GPC6: variants seen among roughly 807,000 people sequenced by gnomAD.
GPC6 encodes glypican-6.
In GPC6, 14 loss-of-function variants were observed where a neutral mutation model predicts 55.2. That is an observed-to-expected ratio of 0.25 (90% CI 0.17 to 0.40). GPC6 has a LOEUF of 0.40. Among genes scored for constraint, GPC6 ranks in the 10% least tolerant of loss-of-function variants. The probability of loss-of-function intolerance (pLI) is 1.00; values close to 1 mark genes in which losing one functional copy is unlikely to be tolerated. For missense variants in GPC6, 641 were observed against 708.5 expected (o/e 0.90, Z 1.08); for synonymous variants, 278 against 259.6 (o/e 1.07, Z -0.68).
chr13:93,329,692 T>C (rs1879772871), intron 1 of GPC6, among the ~76,000 whole-genome samples: 1 of 152,130 alleles, frequency 6.6e-6, no homozygotes, highest in East Asian at 1.9e-4. Flanking sequence ...AGGTCCCTTA[T>C]GGTAGTCTTC....
chr13:94,188,385 C>A (rs1889271545), intron 4 of GPC6, among the ~76,000 whole-genome samples: 1 of 152,118 alleles, frequency 6.6e-6, no homozygotes, highest in African/African-American at 2.4e-5. Context: ...AGTGACTTTC[C>A]TCTTGGCTGG....
At chr13:94,034,479 T>C (rs1158007865) in intron 4 of GPC6, among the ~76,000 whole-genome samples, 1 of 152,132 alleles carries the variant, frequency 6.6e-6, no homozygotes, top group African/African-American at 2.4e-5. Context: ...AATGTTGATC[T>C]TGAGGCAACA....
chr13:93,807,904 AAG>A (rs1566545712), intron 2 of GPC6, among the ~76,000 whole-genome samples: 3 of 152,202 alleles, frequency 2.0e-5, no homozygotes, highest in Admixed American at 2.0e-4. Flanking sequence ...ATCCATGACA[AAG>A]AGGTTTCTGG....
At chr13:93,524,761 G>A (rs1210241095) in intron 1 of GPC6, among the ~76,000 whole-genome samples, 3 of 151,982 alleles carry the variant, frequency 2.0e-5, no homozygotes, top group African/African-American at 7.2e-5. Flanking sequence ...AATGTAGTTG[G>A]GCTGATGCTA....
chr13:93,489,473 T>C (rs1372758715), intron 1 of GPC6, among the ~76,000 whole-genome samples: 1 of 151,474 alleles, frequency 6.6e-6, no homozygotes, highest in Admixed American at 6.5e-5. Context: ...TGGTTTCATA[T>C]GAACTTTAAA....
intron 6 of GPC6, among the ~76,000 whole-genome samples, chr13:94,348,409 T>C (rs1878387699): frequency 6.6e-6 from 1 of 152,228 alleles, no homozygotes; most frequent in African/African-American, 2.4e-5. Context: ...TGTTCAAATG[T>C]AGGTGCTAGT....
intron 2 of GPC6, among the ~76,000 whole-genome samples, chr13:93,689,538 C>T (rs1882175930): frequency 6.6e-6 from 1 of 152,024 alleles, no homozygotes; most frequent in African/African-American, 2.4e-5. Flanking sequence ...GGGAAAGCAA[C>T]ATAGGAAAGG....
At chr13:94,036,781 A>G (rs1196456860) in intron 4 of GPC6, among the ~76,000 whole-genome samples, 1 of 137,670 alleles carries the variant, frequency 7.3e-6, no homozygotes, top group East Asian at 2.0e-4. Flanking sequence ...ACCAGCTTGA[A>G]GAGATTAGTT....
At chr13:93,620,805 A>T (rs1173508876) in intron 2 of GPC6, among the ~76,000 whole-genome samples, 2 of 152,132 alleles carry the variant, frequency 1.3e-5, no homozygotes, top group East Asian at 3.8e-4. Flanking sequence ...TTTCCCTTGA[A>T]ATTAACCAGT....
At chr13:94,104,956 G>GA (rs1481730115) in intron 4 of GPC6, among the ~76,000 whole-genome samples, 1 of 151,976 alleles carries the variant, frequency 6.6e-6, no homozygotes, top group African/African-American at 2.4e-5. Flanking sequence ...CACAGAATTG[G>GA]AAAAAACTAC....
intron 2 of GPC6, among the ~76,000 whole-genome samples, chr13:93,717,005 C>T (rs1354377784): frequency 2.0e-5 from 3 of 151,556 alleles, no homozygotes; most frequent in Admixed American, 6.6e-5. Context: ...GAGCAACAGG[C>T]TATATACCAT....
chr13:93,542,385 C>G (rs1053569614), intron 1 of GPC6, among the ~76,000 whole-genome samples: 1 of 152,064 alleles, frequency 6.6e-6, no homozygotes, highest in Non-Finnish European at 1.5e-5. Context: ...TGATCTATAT[C>G]TCTGTTTTGG....
At position 93,952,298 on chromosome 13, in the gene GPC6, A is replaced by G. The variant is rs77700073; in HGVS notation, c.712-75431A>G. Among the ~76,000 whole-genome samples the G allele has an allele frequency of 4.2e-3, 637 of 152,278 alleles. 6 individuals carry two copies. Among genetic ancestry groups the G allele is most frequent in the African/African-American group, 0.015 (619 of 41,584 alleles). ...TCAAGATGATAATCAAAATTAACCA[A>G]AAATCTCAAAAATGAATCTTTAGGG... On this transcript the variant is annotated intron_variant, in intron 3 of 8. Coordinates refer to ENST00000377047, the MANE Select transcript of GPC6 (RefSeq NM_005708.5).
chr13:94,335,829 C>CCGT (rs113094983), intron 6 of GPC6, among the ~76,000 whole-genome samples: 1 of 151,908 alleles, frequency 6.6e-6, no homozygotes, highest in Admixed American at 6.6e-5. Context: ...AAAATCAGCA[C>CCGT]CATCTGTTAA....
intron 1 of GPC6, among the ~76,000 whole-genome samples, chr13:93,359,793 A>AT (rs1880982553): frequency 1.3e-5 from 2 of 152,214 alleles, no homozygotes; most frequent in Admixed American, 1.3e-4. Context: ...AACATAGAGC[A>AT]TGTGGATCTT....
intron 3 of GPC6, among the ~76,000 whole-genome samples, chr13:93,872,329 C>T (rs891418835): frequency 2.0e-5 from 3 of 151,958 alleles, no homozygotes; most frequent in Non-Finnish European, 2.9e-5. Context: ...ATCCAAAGAT[C>T]TGTTTTTATA....
intron 4 of GPC6, among the ~76,000 whole-genome samples, chr13:94,058,491 G>T (rs546005464): frequency 2.0e-5 from 3 of 152,266 alleles, no homozygotes; most frequent in South Asian, 4.1e-4. Context: ...GCTCCCAGAG[G>T]TTATTTTGGT....
intron 3 of GPC6, among the ~76,000 whole-genome samples, chr13:93,971,628 C>T (rs902229750): frequency 5.3e-5 from 8 of 152,228 alleles, no homozygotes; most frequent in Non-Finnish European, 1.0e-4. Flanking sequence ...TGTGATGCTA[C>T]AGACTGTCTT....
chr13:94,020,623 C>T (rs1002211452), intron 3 of GPC6, among the ~76,000 whole-genome samples: 1 of 152,170 alleles, frequency 6.6e-6, no homozygotes, highest in African/African-American at 2.4e-5. Context: ...TACATGCCTT[C>T]CTTCAAGAGC....
Sources: allele counts gnomAD v4.1 joint callset (sites outside exome capture counted in the v4.1 genomes callset), GRCh38; gene constraint gnomAD v4.1.1; transcripts MANE v1.5; gene names NCBI Gene and HGNC (gene_info 2026-07-23, HGNC 2026-07-21).